Variants in MYOCOS observed in about 807,000 individuals in gnomAD.
The protein encoded by MYOCOS is myocilin opposite strand protein.
At chr1:171,612,323 A>C (rs12024517) in intron 1 of MYOCOS, among the ~76,000 whole-genome samples, 151,806 of 151,806 alleles carry the variant, frequency 1, 75,903 homozygotes, top group Non-Finnish European at 1. Flanking sequence ...AGATGATCCA[A>C]CTGCCTAGGA....
rs1652716781 is a variant in MYOCOS, at chr1:171,626,823, T to G, written c.*222T>G. On this transcript the variant is annotated 3_prime_UTR_variant, in exon 3 of 3. Transcript: ENST00000637642. ...GATATGATATGCATATATTTTGATC[T>G]TTATGTTATGCTATAGAACTGTTGC... 2.7e-6 allele frequency: 1 copy of G among 365,924 alleles called. No individual in the cohort carries two copies. Among genetic ancestry groups the G allele is most frequent in the Non-Finnish European group, 4.8e-6 (1 of 206,414 alleles). The allele number at this position is 365,924 out of a possible 1,614,324, so 22.7% of individuals were successfully genotyped here.
intron 1 of MYOCOS, among the ~76,000 whole-genome samples, chr1:171,612,004 G>A (rs1652359018): frequency 6.6e-6 from 1 of 152,142 alleles, no homozygotes; most frequent in African/African-American, 2.4e-5. Flanking sequence ...TTTTGTAGGG[G>A]CCAGAGAAAT....
chr1:171,622,687 C>CAT (rs1553254033), intron 1 of MYOCOS, among the ~76,000 whole-genome samples: 1 of 151,856 alleles, frequency 6.6e-6, no homozygotes, highest in African/African-American at 2.4e-5. Flanking sequence ...TCTAGAATGG[C>CAT]AGTCACCACG....
intron 1 of MYOCOS, among the ~76,000 whole-genome samples, chr1:171,607,155 C>T (rs1652262944): frequency 6.6e-6 from 1 of 150,748 alleles, no homozygotes; most frequent in Admixed American, 6.6e-5. Context: ...TCTGTTTTTC[C>T]ACCTCTAAAA....
chr1:171,606,436 C>T (rs1652244324), intron 1 of MYOCOS, among the ~76,000 whole-genome samples: 1 of 145,270 alleles, frequency 6.9e-6, no homozygotes. Context: ...GGAAGTAAAA[C>T]CAAAGACAGG....
intron 1 of MYOCOS, among the ~76,000 whole-genome samples, chr1:171,602,816 G>C (rs950092609): frequency 6.6e-6 from 1 of 152,096 alleles, no homozygotes; most frequent in African/African-American, 2.4e-5. Flanking sequence ...GATGCTAAAA[G>C]AAACATTCAT....
upstream of MYOCOS, among the ~76,000 whole-genome samples, chr1:171,621,515 A>G (rs1371551086): frequency 2.6e-5 from 4 of 151,498 alleles, no homozygotes; most frequent in Admixed American, 1.3e-4. Flanking sequence ...AGCTGGGACT[A>G]CAGGCACCCG....
chr1:171,605,388 CACACACAA>C (rs1437476056), intron 1 of MYOCOS, among the ~76,000 whole-genome samples: 6,962 of 142,748 alleles, frequency 0.049, 490 homozygotes, highest in African/African-American at 0.18. Context: ...CACACACACA[CACACACAA>C]AAAAAAAAAA....
At chr1:171,617,624 T>A (rs1652474307), upstream of MYOCOS, among the ~76,000 whole-genome samples, 1 of 152,096 alleles carries the variant, frequency 6.6e-6, no homozygotes, top group Non-Finnish European at 1.5e-5. Context: ...TTTTTTAAAG[T>A]GGATTTGACA....
chr1:171,606,330 T>A (rs1234776144), intron 1 of MYOCOS, among the ~76,000 whole-genome samples: 1 of 151,968 alleles, frequency 6.6e-6, no homozygotes, highest in African/African-American at 2.4e-5. Context: ...TAATAAAAAG[T>A]AAGAGTCTCA....
At chr1:171,613,793 C>T (rs530738097) in intron 1 of MYOCOS, among the ~76,000 whole-genome samples, 17 of 152,130 alleles carry the variant, frequency 1.1e-4, no homozygotes, top group Non-Finnish European at 2.4e-4. Flanking sequence ...AGCAATCCTC[C>T]CAAAGTGCTA....
chr1:171,609,073 A>G (rs1476287471), intron 1 of MYOCOS, among the ~76,000 whole-genome samples: 1 of 152,162 alleles, frequency 6.6e-6, no homozygotes, highest in Non-Finnish European at 1.5e-5. Flanking sequence ...GCCACAGCTG[A>G]TGTCCTCCTC....
At chr1:171,603,142 A>G (rs914887314) in intron 1 of MYOCOS, among the ~76,000 whole-genome samples, 2 of 152,216 alleles carry the variant, frequency 1.3e-5, no homozygotes, top group African/African-American at 2.4e-5. Context: ...AAGGCCATCC[A>G]GCTTCCGTCT....
chr1:171,601,709 G>A (rs1438138063), intron 1 of MYOCOS, among the ~76,000 whole-genome samples: 2 of 152,102 alleles, frequency 1.3e-5, no homozygotes, highest in Non-Finnish European at 1.5e-5. Flanking sequence ...TAACCTGTAA[G>A]CCAAGGCACC....
upstream of MYOCOS, among the ~76,000 whole-genome samples, chr1:171,620,843 C>T (rs1652552004): frequency 6.8e-6 from 1 of 146,062 alleles, no homozygotes; most frequent in Admixed American, 7.0e-5. Flanking sequence ...GATCTTGGCT[C>T]ACTGCAACCT....
At chr1:171,623,737 G>A (rs774432920) in intron 1 of MYOCOS, 104 bp from the exon 2 acceptor site, 19 of 396,500 alleles carry the variant, frequency 4.8e-5, no homozygotes, top group Non-Finnish European at 8.0e-5. Flanking sequence ...CCAACTGAGA[G>A]TAAGGCAGTG....
upstream of MYOCOS, among the ~76,000 whole-genome samples, chr1:171,619,044 G>A (rs187716597): frequency 7.2e-5 from 11 of 152,250 alleles, no homozygotes; most frequent in East Asian, 3.9e-4. Flanking sequence ...AATTAGTAAC[G>A]ACATCTTGTA....
At chr1:171,620,769 C>CTTTTTTTTT (rs201016150), upstream of MYOCOS, among the ~76,000 whole-genome samples, 9 of 108,178 alleles carry the variant, frequency 8.3e-5, no homozygotes, top group African/African-American at 3.4e-4. Flanking sequence ...CTTTCTTTTT[C>CTTTTTTTTT]TTTCTTTTTT....
At chr1:171,624,004 G>A (rs554070818) in intron 2 of MYOCOS, 26 bp downstream of exon 2, 42 of 398,474 alleles carry the variant, frequency 1.1e-4, no homozygotes, top group East Asian at 5.3e-4. Flanking sequence ...CCTCTGGATC[G>A]CTTGTGGGGT....
Sources: gnomAD v4.1 joint callset for allele counts (sites outside exome capture counted in the v4.1 genomes callset) on GRCh38, gnomAD v4.1.1 for gene constraint, MANE v1.5 for transcripts, NCBI Gene and HGNC (gene_info 2026-07-23, HGNC 2026-07-21) for gene names.